The following KIAA1328 variants were observed in gnomAD, a reference collection of about 807,000 sequenced individuals.
KIAA1328 encodes protein hinderin.
A neutral mutation model predicts 68.1 loss-of-function variants in KIAA1328; 52 were observed. The ratio of observed to expected loss-of-function variants is 0.76; its 90% CI spans 0.61 to 0.96. The LOEUF is 0.96. Among genes scored for constraint, KIAA1328 ranks in the 40% least tolerant of loss-of-function variants. KIAA1328 has a pLI of 0.00. For synonymous variants in KIAA1328, 232 were observed against 239.4 expected (o/e 0.97, Z 0.28); for missense variants, 641 against 677.6 (o/e 0.95, Z 0.60).
intron 7 of KIAA1328, among the ~76,000 whole-genome samples, chr18:37,126,768 C>G (rs1393003714): frequency 6.6e-6 from 1 of 151,990 alleles, no homozygotes; most frequent in Non-Finnish European, 1.5e-5. Context: ...TGGTTTTATC[C>G]AAGAATACAA....
rs372621175 is a variant in KIAA1328 at position 37,210,213 on chromosome 18, C to T, written c.1524-11804C>T. 1.4e-4 allele frequency among the ~76,000 whole-genome samples: 21 copies of T among 152,228 alleles called. No homozygotes were observed. The East Asian group carries it at 1.9e-3, about 14-fold the overall frequency. On this transcript the variant is annotated intron_variant, in intron 9 of 9. Coordinates refer to ENST00000280020, the MANE Select transcript of KIAA1328 (RefSeq NM_020776.3). ...AAACTGGCCTTTCTTGAATTGGTAA[C>T]GTGGAGTCAAGTCAAATCAGCAGAG...
chr18:36,880,285 T>G (rs1469814537), intron 4 of KIAA1328, among the ~76,000 whole-genome samples: 1 of 151,872 alleles, frequency 6.6e-6, no homozygotes, highest in Non-Finnish European at 1.5e-5. Flanking sequence ...GTGGAGGGAG[T>G]TCCCCAATGC....
At chr18:36,879,060 TG>T in intron 4 of KIAA1328, among the ~76,000 whole-genome samples, 1 of 152,320 alleles carries the variant, frequency 6.6e-6, no homozygotes, top group South Asian at 2.1e-4. Flanking sequence ...GTTGCCTTGC[TG>T]GTGAGGAGTT....
At chr18:37,220,199 A>G (rs1027227740) in intron 9 of KIAA1328, among the ~76,000 whole-genome samples, 20 of 152,188 alleles carry the variant, frequency 1.3e-4, no homozygotes, top group African/African-American at 4.8e-4. Flanking sequence ...TTGGAATTTA[A>G]TTTTAAATAC....
chr18:37,099,811 T>C (rs1428874279), intron 7 of KIAA1328, among the ~76,000 whole-genome samples: 1 of 152,226 alleles, frequency 6.6e-6, no homozygotes, highest in Non-Finnish European at 1.5e-5. Context: ...GTTGAATTGA[T>C]CCCTTTACCA....
intron 1 of KIAA1328, among the ~76,000 whole-genome samples, chr18:36,833,601 A>G (rs1282601190): frequency 6.6e-6 from 1 of 152,224 alleles, no homozygotes; most frequent in Non-Finnish European, 1.5e-5. Flanking sequence ...TAGGCTGTTA[A>G]GGGAACATGC....
chr18:37,059,786 A>G (rs2056071891), intron 6 of KIAA1328, among the ~76,000 whole-genome samples: 1 of 152,208 alleles, frequency 6.6e-6, no homozygotes, highest in African/African-American at 2.4e-5. Flanking sequence ...CTTGGAACCA[A>G]CACAAATGCC....
chr18:37,082,542 C>A (rs1386420805), intron 7 of KIAA1328, among the ~76,000 whole-genome samples: 3 of 152,116 alleles, frequency 2.0e-5, no homozygotes, highest in Non-Finnish European at 4.4e-5. Context: ...TTATAGTGCT[C>A]AGGATGTTCA....
intron 7 of KIAA1328, among the ~76,000 whole-genome samples, chr18:37,073,395 C>G (rs887312437): frequency 6.6e-6 from 1 of 152,068 alleles, no homozygotes; most frequent in Non-Finnish European, 1.5e-5. Flanking sequence ...ATGTGGCCAA[C>G]AAACATATGA....
chr18:37,077,844 G>C (rs1258479074), intron 7 of KIAA1328, among the ~76,000 whole-genome samples: 1 of 151,742 alleles, frequency 6.6e-6, no homozygotes, highest in Non-Finnish European at 1.5e-5. Context: ...CAAAGAAATG[G>C]AAGAACATTC....
At chr18:37,157,452 T>A (rs1210477948) in intron 7 of KIAA1328, among the ~76,000 whole-genome samples, 1 of 152,154 alleles carries the variant, frequency 6.6e-6, no homozygotes, top group Non-Finnish European at 1.5e-5. Context: ...CATTATATAC[T>A]CTATAATTGC....
intron 6 of KIAA1328, among the ~76,000 whole-genome samples, chr18:36,996,904 T>G (rs570437209): frequency 6.6e-6 from 1 of 152,322 alleles, no homozygotes; most frequent in South Asian, 2.1e-4. Context: ...AGTAAACGTT[T>G]AGATCTGTTA....
In KIAA1328 at chr18:37,222,475, G is replaced by A; in HGVS notation, c.*248G>A. 2 of 1,310,662 alleles carry A rather than the reference G, an allele frequency of 1.5e-6. No individual in the cohort carries two copies. Among genetic ancestry groups the A allele is most frequent in the South Asian group, 3.5e-5 (2 of 57,354 alleles). 81.2% of individuals were successfully genotyped at this position (1,310,662 alleles called of 1,614,324 possible). A position where few individuals can be genotyped will look rare whatever the true frequency, so the allele number is the denominator to read the frequency against. On this transcript the variant is annotated 3_prime_UTR_variant, in exon 10 of 10. Transcript: ENST00000280020. The stretch of plus-strand genomic sequence containing the variant: ...TATCTTTTATATGCTAAACAGATTA[G>A]AAAATTAACATAGGATACTTTCTGC...
intron 5 of KIAA1328, among the ~76,000 whole-genome samples, chr18:36,891,306 ATTAT>A (rs1315531495): frequency 6.6e-6 from 1 of 152,180 alleles, no homozygotes; most frequent in Admixed American, 6.5e-5. Context: ...AATTGTTTTA[ATTAT>A]TTTATTTCAC....
At chr18:37,214,131 T>C (rs960591285) in intron 9 of KIAA1328, among the ~76,000 whole-genome samples, 1 of 152,248 alleles carries the variant, frequency 6.6e-6, no homozygotes. Flanking sequence ...TTTCTTTTGC[T>C]GTGCAGAAGC....
intron 8 of KIAA1328, among the ~76,000 whole-genome samples, chr18:37,170,060 A>C (rs989225361): frequency 2.6e-5 from 4 of 152,074 alleles, no homozygotes; most frequent in African/African-American, 9.7e-5. Flanking sequence ...GTCTGTCTTA[A>C]TTTCCTCTTA....
At chr18:36,843,662 A>C (rs2046932563) in intron 3 of KIAA1328, among the ~76,000 whole-genome samples, 1 of 152,198 alleles carries the variant, frequency 6.6e-6, no homozygotes, top group African/African-American at 2.4e-5. Flanking sequence ...TTAATACTTA[A>C]TAGCGTTGTT....
At chr18:37,145,480 G>T (rs562075097) in intron 7 of KIAA1328, among the ~76,000 whole-genome samples, 1 of 152,102 alleles carries the variant, frequency 6.6e-6, no homozygotes, top group Non-Finnish European at 1.5e-5. Context: ...CAATAGTATT[G>T]TTCACTTCTT....
chr18:37,102,430 T>C (rs1319052239), intron 7 of KIAA1328, among the ~76,000 whole-genome samples: 3 of 152,020 alleles, frequency 2.0e-5, no homozygotes, highest in African/African-American at 7.2e-5. Flanking sequence ...AACTTAAAAG[T>C]TGAAGGAAAA....
Sources: allele counts gnomAD v4.1 joint callset (sites outside exome capture counted in the v4.1 genomes callset), GRCh38; gene constraint gnomAD v4.1.1; transcripts MANE v1.5; gene names NCBI Gene and HGNC (gene_info 2026-07-23, HGNC 2026-07-21).